Variants in PTPRZ1 observed in about 807,000 individuals in gnomAD.
The protein encoded by PTPRZ1 is protein tyrosine phosphatase receptor type Z1, also known as receptor-type tyrosine-protein phosphatase zeta.
In PTPRZ1, 82 loss-of-function variants were observed where a neutral mutation model predicts 214.1. The ratio of observed to expected loss-of-function variants is 0.38; its 90% CI spans 0.32 to 0.46. PTPRZ1 has a LOEUF of 0.46. Ranked by LOEUF, PTPRZ1 falls within the 20% of genes least tolerant of loss-of-function variation. PTPRZ1 has a pLI of 1.00. For missense variants in PTPRZ1, 2,603 were observed against 2,748.7 expected (o/e 0.95, Z 1.19); for synonymous variants, 945 against 987.9 (o/e 0.96, Z 0.81).
intron 9 of PTPRZ1, 51 bp from the exon 10 acceptor site, chr7:121,997,829 G>A: frequency 1.3e-6 from 2 of 1,522,502 alleles, no homozygotes; most frequent in South Asian, 1.2e-5. Flanking sequence ...CTAGTGTGTT[G>A]GTAGTCCTAT....
At chr7:121,970,089 A>G (rs1310127331) in intron 3 of PTPRZ1, among the ~76,000 whole-genome samples, 6 of 151,676 alleles carry the variant, frequency 4.0e-5, no homozygotes, top group African/African-American at 1.5e-4. Context: ...GCTGAGAATG[A>G]TGGTTTCCAG....
chr7:122,023,683 T>G (rs867860430), intron 13 of PTPRZ1, among the ~76,000 whole-genome samples: 15 of 85,730 alleles, frequency 1.7e-4, no homozygotes, highest in Non-Finnish European at 2.9e-4. Flanking sequence ...ATATATAATT[T>G]TATATATTAT....
intron 14 of PTPRZ1, 87 bp downstream of exon 14, chr7:122,028,730 A>G (rs1422781260): frequency 1.2e-5 from 12 of 1,014,048 alleles, no homozygotes; most frequent in Middle Eastern, 2.1e-4. Context: ...TCGGGACACT[A>G]TGCAAATTGC....
intron 2 of PTPRZ1, among the ~76,000 whole-genome samples, chr7:121,956,833 A>T (rs1175456046): frequency 6.6e-6 from 1 of 152,250 alleles, no homozygotes; most frequent in Non-Finnish European, 1.5e-5. Flanking sequence ...ACCAAGAGGA[A>T]GTCTCTCAAA....
intron 1 of PTPRZ1, among the ~76,000 whole-genome samples, chr7:121,889,167 G>T (rs1417430333): frequency 6.6e-6 from 1 of 152,110 alleles, no homozygotes; most frequent in African/African-American, 2.4e-5. Context: ...ATTTCAGTAT[G>T]AGAAGCCTTG....
intron 23 of PTPRZ1, among the ~76,000 whole-genome samples, chr7:122,046,068 AAAAT>A (rs568504949): frequency 2.0e-5 from 3 of 152,342 alleles, no homozygotes; most frequent in South Asian, 4.1e-4. Context: ...AAGAATTTGT[AAAAT>A]AAATAAATAA....
intron 1 of PTPRZ1, among the ~76,000 whole-genome samples, chr7:121,901,055 A>C (rs1186161433): frequency 6.6e-6 from 1 of 152,176 alleles, no homozygotes; most frequent in South Asian, 2.1e-4. Context: ...AATTCAAAGA[A>C]AAAGAATTTT....
At chr7:121,966,660 C>T (rs1168070377) in intron 2 of PTPRZ1, among the ~76,000 whole-genome samples, 1 of 152,088 alleles carries the variant, frequency 6.6e-6, no homozygotes, top group African/African-American at 2.4e-5. Context: ...GATGTATTAC[C>T]AGATTTTCCA....
At chr7:121,948,216 C>T (rs1031141091) in intron 2 of PTPRZ1, among the ~76,000 whole-genome samples, 1 of 152,016 alleles carries the variant, frequency 6.6e-6, no homozygotes. Flanking sequence ...GTTAACAGAA[C>T]AGGTAAGTAA....
rs542153619 is a variant in PTPRZ1 at position 121,929,362 on chromosome 7, A to G, written c.124+1141A>G. 3.3e-5 allele frequency among the ~76,000 whole-genome samples: 5 copies of G among 152,160 alleles called. No individual in the cohort carries two copies. In the East Asian group the frequency reaches 7.7e-4, roughly 23 times the overall value. On this transcript the variant is annotated intron_variant, in intron 2 of 29. Transcript: ENST00000393386. ...TAATCTGCTTACTAATCCATTGAATAATTTTTTTATTATGTAACCACTTCC... is the reference window on the plus strand; with the variant it reads ...TAATCTGCTTACTAATCCATTGAATGATTTTTTTATTATGTAACCACTTCC...
chr7:121,904,820 T>C (rs1405124106), intron 1 of PTPRZ1, among the ~76,000 whole-genome samples: 1 of 152,174 alleles, frequency 6.6e-6, no homozygotes, highest in Non-Finnish European at 1.5e-5. Context: ...ACATAACCTT[T>C]CATGTCAGCT....
intron 13 of PTPRZ1, among the ~76,000 whole-genome samples, chr7:122,025,751 T>G (rs1401013477): frequency 1.3e-5 from 2 of 152,208 alleles, no homozygotes; most frequent in African/African-American, 4.8e-5. Flanking sequence ...AGAAGATACC[T>G]CTGAGCTGTC....
chr7:121,996,525 C>A lies in PTPRZ1; in HGVS notation c.1072C>A (p.Gln358Lys), dbSNP rs2116611666. The change falls in exon 9 of 30, where the codon CAA becomes AAA. Residue 358 changes from glutamine (Q) to lysine (K), a missense_variant. Around this residue, in one of 6 missense-constraint regions of PTPRZ1, gnomAD observed 244 missense variants for 333.2 expected, o/e 0.73. Coordinates refer to ENST00000393386, the MANE Select transcript of PTPRZ1 (RefSeq NM_002851.3). ...GTACCAGCAGTTGGATGGAGAGGAC[C>A]AAACCAAGCATGAATTTTTGACAGA... Reference protein sequence around the residue: ...VLYQQLDGEDQTKHEFLTDGY... With the variant: ...VLYQQLDGEDKTKHEFLTDGY... The A allele has an allele frequency of 6.2e-7, 1 of 1,612,186 alleles. No homozygotes were observed. The highest frequency in any genetic ancestry group is 8.5e-7 in the Non-Finnish European group (1 of 1,178,944).
chr7:122,011,316 C>T lies in PTPRZ1; in HGVS notation c.2270C>T (p.Thr757Ile). 4 of 1,614,150 alleles carry T rather than the reference C, an allele frequency of 2.5e-6. No individual in the cohort carries two copies. Among genetic ancestry groups the T allele is most frequent in the Non-Finnish European group, 3.4e-6 (4 of 1,180,032 alleles). Residue 757 changes from threonine to isoleucine, a missense_variant, in exon 12 of 30, where the codon ACA becomes ATA. Thr to Ile is a moderately conservative substitution (Grantham distance 89, BLOSUM62 -1). This residue lies in a region of PTPRZ1 where 1,913 missense variants were observed against 1,914.3 expected (regional missense o/e 1.00). Coordinates refer to ENST00000393386, the MANE Select transcript of PTPRZ1 (RefSeq NM_002851.3). ...QTTQPVYNGE[T>I]PLQPSYSSEV... Reference sequence around the variant, plus strand: ...ACCCAACCGGTATACAATGGTGAGACACCTCTTCAACCTTCCTACAGTAGT... The same window carrying T: ...ACCCAACCGGTATACAATGGTGAGATACCTCTTCAACCTTCCTACAGTAGT...
intron 23 of PTPRZ1, among the ~76,000 whole-genome samples, chr7:122,050,241 G>A (rs1212393680): frequency 6.6e-6 from 1 of 151,666 alleles, no homozygotes; most frequent in Non-Finnish European, 1.5e-5. Context: ...CCAGGAGTTC[G>A]AGACCAGCCT....
chr7:121,992,929 C>T (rs1358872764), intron 8 of PTPRZ1, among the ~76,000 whole-genome samples: 1 of 152,202 alleles, frequency 6.6e-6, no homozygotes, highest in African/African-American at 2.4e-5. Flanking sequence ...CTCTACGTGA[C>T]TTGACGTGGG....
At chr7:121,976,312 C>A in intron 5 of PTPRZ1, 44 bp downstream of exon 5, 1 of 1,178,024 alleles carries the variant, frequency 8.5e-7, no homozygotes, top group South Asian at 1.6e-5. Context: ...CTTTTTAAGT[C>A]ACATTAAATA....
chr7:121,979,070 TAA>T lies in PTPRZ1; in HGVS notation c.619+2229_619+2230del, dbSNP rs5887064. On this transcript the variant is annotated intron_variant, in intron 6 of 29. Transcript: ENST00000393386. Reference sequence around the variant, plus strand: ...GTATTCACCATATAATGTAAGTTATTAAAAAAAAAAACACCTTTTCAACCATT... The same window carrying T: ...GTATTCACCATATAATGTAAGTTATTAAAAAAAAACACCTTTTCAACCATT... Among the ~76,000 whole-genome samples the T allele has an allele frequency of 4.6e-3, 682 of 149,816 alleles. 5 individuals are homozygous for T. The highest frequency in any genetic ancestry group is 6.7e-3 in the Non-Finnish European group (453 of 67,460).
At chr7:122,017,447 G>C (rs1411041283) in intron 12 of PTPRZ1, among the ~76,000 whole-genome samples, 1 of 151,956 alleles carries the variant, frequency 6.6e-6, no homozygotes, top group East Asian at 1.9e-4. Flanking sequence ...TCACACCTTT[G>C]AATTCCATTT....
Sources: allele counts gnomAD v4.1 joint callset (sites outside exome capture counted in the v4.1 genomes callset), GRCh38; gene constraint gnomAD v4.1.1; regional missense constraint gnomAD v4.1.1; transcripts MANE v1.5; gene names NCBI Gene and HGNC (gene_info 2026-07-23, HGNC 2026-07-21).